The following ERC2 variants were observed in gnomAD, a reference collection of about 807,000 sequenced individuals.
ERC2 encodes ERC protein 2.
ERC2 carries 42 observed loss-of-function variants against 114.8 expected under a neutral mutation model. The observed-to-expected ratio is 0.37, with a 90% confidence interval of 0.29 to 0.47. ERC2 has a LOEUF of 0.47. ERC2 is among the 20% of genes least tolerant of loss of function. The pLI, the probability that ERC2 is intolerant of heterozygous loss-of-function variation, is 0.99. For synonymous variants in ERC2, 454 were observed against 425.5 expected (o/e 1.07, Z -0.82); for missense variants, 939 against 1,150.7 (o/e 0.82, Z 2.66).
chr3:56,435,139 C>T lies in ERC2; in HGVS notation c.-132G>A, dbSNP rs2061959728. On this transcript the variant is annotated 5_prime_UTR_variant, in exon 2 of 18. It adds an upstream start codon to the 5' untranslated region. Coordinates refer to ENST00000288221, the MANE Select transcript of ERC2 (RefSeq NM_015576.3). Reference sequence around the variant, plus strand: ...CAGTCCGTACCAGAAAATAACTCCACTCAGAGATCTACAAAGTGAAAAAAA... The same window carrying T: ...CAGTCCGTACCAGAAAATAACTCCATTCAGAGATCTACAAAGTGAAAAAAA... 1.5e-6 allele frequency: 1 copy of T among 650,788 alleles called. No homozygotes were observed. Among genetic ancestry groups the T allele is most frequent in the South Asian group, 2.1e-5 (1 of 48,428 alleles). 40.3% of individuals were successfully genotyped at this position (650,788 alleles called of 1,614,324 possible).
chr3:55,951,781 C>T (rs1024745213), intron 12 of ERC2, among the ~76,000 whole-genome samples: 10 of 152,048 alleles, frequency 6.6e-5, no homozygotes, highest in Non-Finnish European at 2.9e-5. Flanking sequence ...CTGAGAATCA[C>T]TGCTGTTTTA....
chr3:55,700,429 T>G (rs1327394049), intron 15 of ERC2, among the ~76,000 whole-genome samples: 2 of 152,206 alleles, frequency 1.3e-5, no homozygotes, highest in Non-Finnish European at 2.9e-5. Context: ...GAGTAAACTA[T>G]TTATAAACCT....
chr3:55,978,886 C>T (rs1288356480), intron 12 of ERC2, among the ~76,000 whole-genome samples: 1 of 152,146 alleles, frequency 6.6e-6, no homozygotes, highest in Non-Finnish European at 1.5e-5. Flanking sequence ...AGAGACAACA[C>T]AAGTGAAATC....
rs1575518474 is a variant in ERC2, at chr3:55,539,948, CT to C, written c.*40-28673del. On this transcript the variant is annotated intron_variant, in intron 17 of 17. Coordinates refer to ENST00000288221, the MANE Select transcript of ERC2 (RefSeq NM_015576.3). ...GGGATTTTTTTTTTTTTTTTGTAAA[CT>C]TTTTACAGTTCTATGGAACCAGTGT... 9.8e-4 allele frequency among the ~76,000 whole-genome samples: 94 copies of C among 96,124 alleles called. No homozygotes were observed. In the East Asian group the frequency reaches 0.026, roughly 26 times the overall value. The allele number at this position is 96,124 out of a possible 152,430, so 63.1% of individuals were successfully genotyped here.
intron 6 of ERC2, among the ~76,000 whole-genome samples, chr3:56,133,436 C>CA (rs1287640403): frequency 2.6e-5 from 4 of 151,818 alleles, no homozygotes; most frequent in South Asian, 2.1e-4. Flanking sequence ...GACCCCGCTG[C>CA]AAAAAAATAA....
intron 14 of ERC2, among the ~76,000 whole-genome samples, chr3:55,817,866 T>C (rs1348682307): frequency 1.3e-5 from 2 of 152,214 alleles, no homozygotes; most frequent in Non-Finnish European, 1.5e-5. Flanking sequence ...ATTATCATCT[T>C]ATTATTTTCT....
chr3:56,377,040 T>A (rs1359819066), intron 2 of ERC2, among the ~76,000 whole-genome samples: 1 of 152,144 alleles, frequency 6.6e-6, no homozygotes, highest in East Asian at 1.9e-4. Context: ...CCCATCACGA[T>A]CCCTTAACAT....
intron 15 of ERC2, among the ~76,000 whole-genome samples, chr3:55,727,610 T>C (rs1278112713): frequency 6.6e-6 from 1 of 152,210 alleles, no homozygotes. Context: ...TCTGAACTCA[T>C]TTCATATCAC....
intron 14 of ERC2, among the ~76,000 whole-genome samples, chr3:55,738,122 A>G (rs548796497): frequency 6.6e-6 from 1 of 152,304 alleles, no homozygotes; most frequent in East Asian, 1.9e-4. Flanking sequence ...TTGGCCCAGA[A>G]GTCTCTTGTC....
At chr3:56,087,596 G>C (rs1241170502) in intron 6 of ERC2, among the ~76,000 whole-genome samples, 1 of 151,900 alleles carries the variant, frequency 6.6e-6, no homozygotes, top group East Asian at 1.9e-4. Context: ...TGCAACACTT[G>C]AGAGAAAAAA....
intron 15 of ERC2, among the ~76,000 whole-genome samples, chr3:55,720,361 C>T (rs2064467813): frequency 7.0e-6 from 1 of 143,314 alleles, no homozygotes; most frequent in Non-Finnish European, 1.5e-5. Flanking sequence ...CCATGGCTCA[C>T]TGCAGCCTTG....
chr3:55,833,611 A>G (rs547038207), intron 14 of ERC2, among the ~76,000 whole-genome samples: 6 of 152,340 alleles, frequency 3.9e-5, no homozygotes, highest in Non-Finnish European at 7.3e-5. Flanking sequence ...TGAAGGAAGC[A>G]CTAAACATGG....
chr3:55,547,020 C>T (rs1178399790), intron 17 of ERC2, among the ~76,000 whole-genome samples: 2 of 152,274 alleles, frequency 1.3e-5, no homozygotes, highest in Non-Finnish European at 2.9e-5. Flanking sequence ...GAGACAACTT[C>T]TCAACATCTC....
At chr3:56,426,904 G>A (rs1345199147) in intron 2 of ERC2, among the ~76,000 whole-genome samples, 1 of 150,650 alleles carries the variant, frequency 6.6e-6, no homozygotes, top group East Asian at 2.0e-4. Context: ...GCTCACCCCT[G>A]TAATCCTAGC....
chr3:56,305,656 C>T (rs1025295598), intron 2 of ERC2, among the ~76,000 whole-genome samples: 5 of 152,144 alleles, frequency 3.3e-5, no homozygotes, highest in African/African-American at 1.2e-4. Flanking sequence ...TGCACGTAAA[C>T]TAGTGCAACA....
chr3:55,629,326 T>C (rs1457985523), intron 17 of ERC2, among the ~76,000 whole-genome samples: 1 of 152,184 alleles, frequency 6.6e-6, no homozygotes, highest in Non-Finnish European at 1.5e-5. Flanking sequence ...TGCTTCTGCT[T>C]TGATGCCTGG....
intron 17 of ERC2, among the ~76,000 whole-genome samples, chr3:55,668,604 T>C (rs938226951): frequency 6.6e-6 from 1 of 152,208 alleles, no homozygotes; most frequent in Non-Finnish European, 1.5e-5. Flanking sequence ...CTTTCCTATC[T>C]TCTTTTTAGT....
chr3:56,033,921 C>A, intron 7 of ERC2, among the ~76,000 whole-genome samples: 1 of 152,080 alleles, frequency 6.6e-6, no homozygotes, highest in East Asian at 1.9e-4. Flanking sequence ...TCAGCCTCCA[C>A]CTACAGACTA....
intron 14 of ERC2, among the ~76,000 whole-genome samples, chr3:55,824,175 C>A (rs965887501): frequency 1.3e-5 from 2 of 152,226 alleles, no homozygotes; most frequent in Non-Finnish European, 2.9e-5. Context: ...TAAACACAGT[C>A]ATAGTCTGAG....
Sources: gnomAD v4.1 joint callset for allele counts (sites outside exome capture counted in the v4.1 genomes callset) on GRCh38, gnomAD v4.1.1 for gene constraint, MANE v1.5 for transcripts, NCBI Gene and HGNC (gene_info 2026-07-23, HGNC 2026-07-21) for gene names.